MOV10: variants seen among roughly 807,000 people sequenced by gnomAD.
The protein encoded by MOV10 is RNA helicase MOV-10.
MOV10 carries 39 observed loss-of-function variants against 108.4 expected under a neutral mutation model. That is an observed-to-expected ratio of 0.36 (90% confidence interval 0.28 to 0.47). The LOEUF (loss-of-function observed/expected upper bound fraction) is 0.47. Ranked by LOEUF, MOV10 falls within the 20% of genes least tolerant of loss-of-function variation. The pLI is 1.00. For missense variants in MOV10, 952 were observed against 1,297.6 expected, an observed-to-expected ratio of 0.73 and a Z score of 4.09; for synonymous variants, 490 against 523.1, an observed-to-expected ratio of 0.94 and a Z score of 0.86.
chr1:112,690,171 C>T, intron 5 of MOV10, 73 bp downstream of exon 5: 11 of 1,544,210 alleles, frequency 7.1e-6, no homozygotes, highest in Non-Finnish European at 9.6e-6. Context: ...TTGGGAAGAG[C>T]ACAGAGCTGG....
intron 2 of MOV10, among the ~76,000 whole-genome samples, chr1:112,678,668 C>T (rs914186804): frequency 1.3e-5 from 2 of 152,010 alleles, no homozygotes; most frequent in African/African-American, 2.4e-5. Flanking sequence ...AGTGTACAGG[C>T]AGGAACAGCA....
chr1:112,696,109 G>T (rs1279529636), intron 11 of MOV10, 39 bp from the exon 12 acceptor site: 1 of 1,401,820 alleles, frequency 7.1e-7, no homozygotes, highest in Non-Finnish European at 1.0e-6. Flanking sequence ...GGAATGAGTG[G>T]AGCCAAGCTG....
chr1:112,680,882 T>C (rs1381074477), intron 2 of MOV10, among the ~76,000 whole-genome samples: 1 of 151,538 alleles, frequency 6.6e-6, no homozygotes, highest in Non-Finnish European at 1.5e-5. Flanking sequence ...TTTGTATTTT[T>C]AGTAGAGACG....
At chr1:112,700,194 G>A in intron 19 of MOV10, 25 bp from the exon 20 acceptor site, 1 of 1,613,800 alleles carries the variant, frequency 6.2e-7, no homozygotes. Context: ...TCCAGTCTCT[G>A]CTGGCACTCC....
chr1:112,699,317 CTT>C (rs1033991047), intron 17 of MOV10: 3 of 349,262 alleles, frequency 8.6e-6, no homozygotes, highest in Non-Finnish European at 1.4e-5. Context: ...AGGCCTCTCT[CTT>C]GGAAATTCTG....
intron 2 of MOV10, among the ~76,000 whole-genome samples, chr1:112,678,996 CTATTT>C (rs1672419580): frequency 6.6e-6 from 1 of 151,996 alleles, no homozygotes; most frequent in East Asian, 1.9e-4. Flanking sequence ...ATTTTTTATT[CTATTT>C]TATTTCAATT....
intron 2 of MOV10, among the ~76,000 whole-genome samples, chr1:112,682,320 C>G (rs1330293310): frequency 6.6e-6 from 1 of 151,928 alleles, no homozygotes; most frequent in Non-Finnish European, 1.5e-5. Context: ...ACCTCCCAGA[C>G]TCAGGCTATC....
intron 2 of MOV10, chr1:112,688,667 G>C (rs1322800122): frequency 2.9e-6 from 4 of 1,361,642 alleles, no homozygotes; most frequent in Non-Finnish European, 3.8e-6. Context: ...CCTGTGATTG[G>C]GCTTTTCCCC....
At chr1:112,699,099 C>T (rs1674381026) in intron 17 of MOV10, 1 of 366,534 alleles carries the variant, frequency 2.7e-6, no homozygotes, top group Non-Finnish European at 5.0e-6. Context: ...ACCCCCACCC[C>T]CAGTAGCCTC....
At chr1:112,689,377 T>TGG in intron 3 of MOV10, 38 bp from the exon 4 acceptor site, 1 of 792,808 alleles carries the variant, frequency 1.3e-6, no homozygotes, top group Non-Finnish European at 2.2e-6. Context: ...GTCAGACCGC[T>TGG]CCCACCCCAA....
At chr1:112,683,075 A>G (rs1374624989) in intron 2 of MOV10, among the ~76,000 whole-genome samples, 1 of 151,696 alleles carries the variant, frequency 6.6e-6, no homozygotes, top group African/African-American at 2.4e-5. Context: ...GCCTGCCACA[A>G]CGCCTGGCTA....
chr1:112,696,382 A>T, intron 12 of MOV10, 55 bp from the exon 13 acceptor site: 1 of 1,482,786 alleles, frequency 6.7e-7, no homozygotes, highest in Non-Finnish European at 9.4e-7. Context: ...GAAAGCATTC[A>T]GGTTTGGTAG....
intron 2 of MOV10, among the ~76,000 whole-genome samples, chr1:112,683,150 C>T (rs1341928506): frequency 6.6e-6 from 1 of 151,850 alleles, no homozygotes; most frequent in African/African-American, 2.4e-5. Context: ...GAACTCCTGA[C>T]CTCAAGTGTT....
intron 5 of MOV10, among the ~76,000 whole-genome samples, 187 bp from the exon 6 acceptor site, chr1:112,691,478 A>G (rs1039610119): frequency 6.6e-6 from 1 of 152,162 alleles, no homozygotes; most frequent in Non-Finnish European, 1.5e-5. Context: ...TTACTTAGAT[A>G]ATAGTTTTAA....
chr1:112,695,617 G>A lies in MOV10; in HGVS notation c.1779+43G>A, dbSNP rs769908550. ...AGGGCCAAAGAATGGCAAATGCCGG[G>A]GAGGCTCTCAGGGCAGACACTGAGG... On this transcript the variant is annotated intron_variant, in intron 11 of 20. Transcript: ENST00000369645. The A allele has an allele frequency of 4.4e-6, 7 of 1,596,262 alleles. No homozygotes were observed. The Admixed American group carries it at 1.0e-4, about 24-fold the overall frequency.
In MOV10 at chr1:112,694,345, A is replaced by T; in HGVS notation, c.1296-108A>T. 6.8e-7 allele frequency: 1 copy of T among 1,477,426 alleles called. No individual in the cohort carries two copies. Among genetic ancestry groups the T allele is most frequent in the Non-Finnish European group, 9.3e-7 (1 of 1,072,006 alleles). 91.5% of individuals were successfully genotyped at this position (1,477,426 alleles called of 1,614,324 possible). A position where few individuals can be genotyped will look rare whatever the true frequency, so the allele number is the denominator to read the frequency against. On this transcript the variant is annotated intron_variant, in intron 8 of 20. Transcript: ENST00000369645. This position sits in a 1 kb window ranked among gnomAD's most constrained non-coding sequence, Gnocchi z 4.1. Reference sequence around the variant, plus strand: ...TTCCTCTTCTAGAGAACTTGCATAGAGGTCTTGGAAAGAGGGGTTGGGACA... The same window carrying T: ...TTCCTCTTCTAGAGAACTTGCATAGTGGTCTTGGAAAGAGGGGTTGGGACA...
intron 14 of MOV10, among the ~76,000 whole-genome samples, chr1:112,697,622 T>TA (rs1674226419): frequency 6.6e-6 from 1 of 152,220 alleles, no homozygotes; most frequent in Admixed American, 6.5e-5. Flanking sequence ...AAATGTTAGT[T>TA]ATTGTGTCAT....
At position 112,677,173 on chromosome 1, in the gene MOV10, G is replaced by A. The variant is rs114266660; in HGVS notation, c.137+2124G>A. Among the ~76,000 whole-genome samples, 1,162 of 152,166 alleles carry A rather than the reference G, an allele frequency of 7.6e-3. 17 individuals carry two copies. Among genetic ancestry groups the A allele is most frequent in the African/African-American group, 0.027 (1,101 of 41,476 alleles). On this transcript the variant is annotated intron_variant, in intron 2 of 20. Coordinates refer to ENST00000369645, the MANE Select transcript of MOV10 (RefSeq NM_001321324.2). ...AGGAGGTGGAAAGGCCTTCTATGTG[G>A]GTTCATATTCTATCCTGAGACCCAG...
Position 112,674,858 on chromosome 1 carries a change from G to T in MOV10, c.-55G>T. 6.6e-7 allele frequency: 1 copy of T among 1,506,620 alleles called. No individual in the cohort carries two copies. The highest frequency in any genetic ancestry group is 1.3e-5 in the South Asian group (1 of 78,742). The allele number at this position is 1,506,620 out of a possible 1,614,324, so 93.3% of individuals were successfully genotyped here. ...GCCGCCAACTTCCAGCTGCAGCGGCGACTTTCAGTTTCATTTCCACGGACC... is the reference window on the plus strand; with the variant it reads ...GCCGCCAACTTCCAGCTGCAGCGGCTACTTTCAGTTTCATTTCCACGGACC... On this transcript the variant is annotated 5_prime_UTR_variant, in exon 2 of 21. Transcript: ENST00000369645.
Sources: allele counts gnomAD v4.1 joint callset (sites outside exome capture counted in the v4.1 genomes callset), GRCh38; gene constraint gnomAD v4.1.1; non-coding constraint Gnocchi (gnomAD v3.1); transcripts MANE v1.5; gene names NCBI Gene and HGNC (gene_info 2026-07-23, HGNC 2026-07-21).